The following PIEZO1 variants were observed in gnomAD, a reference collection of about 807,000 sequenced individuals.
PIEZO1 encodes piezo type mechanosensitive ion channel component 1 (Er blood group).
A neutral mutation model predicts 297.2 loss-of-function variants in PIEZO1; 296 were observed. That is an observed-to-expected ratio of 1.00 (90% CI 0.91 to 1.10). PIEZO1 has a LOEUF of 1.10. Ranked by LOEUF, PIEZO1 falls within the 50% of genes least tolerant of loss-of-function variation. The pLI, the probability that PIEZO1 is intolerant of heterozygous loss-of-function variation, is 0.00. For missense variants in PIEZO1, 5,018 were observed against 3,455.5 expected, an observed-to-expected ratio of 1.45 and a Z score of -11.34; for synonymous variants, 2,427 against 1,507.5, an observed-to-expected ratio of 1.61 and a Z score of -14.13.
intron 2 of PIEZO1, among the ~76,000 whole-genome samples, chr16:88,749,016 T>C (rs977854519): frequency 1.4e-5 from 2 of 144,448 alleles, no homozygotes; most frequent in Non-Finnish European, 3.0e-5. Context: ...GGCGGGCGGA[T>C]CACAAGGTCA....
chr16:88,727,009 G>T (rs531279975), intron 24 of PIEZO1, 30 bp downstream of exon 24: 7 of 1,548,576 alleles, frequency 4.5e-6, no homozygotes, highest in Admixed American at 3.9e-5. Context: ...CTCCCAGAAG[G>T]TTCCCCGTGG....
intron 22 of PIEZO1, chr16:88,731,491 A>G (rs1330924631): frequency 8.7e-6 from 5 of 572,952 alleles, no homozygotes; most frequent in South Asian, 2.2e-5. Context: ...AAAAAGGAAA[A>G]GAGAACAGCA....
At position 88,715,376 on chromosome 16, in the gene PIEZO1, T is replaced by TAAA; in HGVS notation, c.*226_*228dup. On this transcript the variant is annotated 3_prime_UTR_variant, in exon 51 of 51. Transcript: ENST00000301015. ...TTGTATAAATAAAACATTTTTTAATTAAAAAAAAAACTCTACAGTACACGT... is the reference window on the plus strand; with the variant it reads ...TTGTATAAATAAAACATTTTTTAATTAAAAAAAAAAAAACTCTACAGTACACGT... The TAAA allele has an allele frequency of 9.2e-7, 1 of 1,087,758 alleles. No homozygotes were observed. Among genetic ancestry groups the TAAA allele is most frequent in the Non-Finnish European group, 1.3e-6 (1 of 789,740 alleles). The allele number at this position is 1,087,758 out of a possible 1,614,324, so 67.4% of individuals were successfully genotyped here. A position where few individuals can be genotyped will look rare whatever the true frequency, so the allele number is the denominator to read the frequency against.
At position 88,740,105 on chromosome 16, in the gene PIEZO1, CCCT is replaced by C. The variant is rs199708601; in HGVS notation, c.465+1370_466-1370del. The C allele has an allele frequency of 9.0e-3, 1,366 of 152,392 alleles. 5 individuals are homozygous for C. Among genetic ancestry groups the C allele is most frequent in the Middle Eastern group, 0.024 (7 of 294 alleles). The allele number at this position is 152,392 out of a possible 1,614,324, so 9.4% of individuals were successfully genotyped here. A position where few individuals can be genotyped will look rare whatever the true frequency, so the allele number is the denominator to read the frequency against. On this transcript the variant is annotated intron_variant, in intron 5 of 50. Transcript: ENST00000301015. ...GCAGCCATGCTGCAGACGCCCCTCA[CCCT>C]CCTCTAGCGGCCAGCACCCCTCGGG...
intron 44 of PIEZO1, chr16:88,718,203 C>T (rs914072018): frequency 6.3e-6 from 1 of 159,690 alleles, no homozygotes; most frequent in Non-Finnish European, 1.4e-5. Flanking sequence ...CAGCAAGCCA[C>T]CCGTTCAGCA....
At chr16:88,784,761 C>T in intron 1 of PIEZO1, 140 bp downstream of exon 1, 1 of 542,246 alleles carries the variant, frequency 1.8e-6, no homozygotes, top group Non-Finnish European at 2.8e-6. Flanking sequence ...AATGCGGGCG[C>T]CCGGGTCGCG....
chr16:88,747,985 C>A (rs1296893632), intron 2 of PIEZO1, among the ~76,000 whole-genome samples: 1 of 152,208 alleles, frequency 6.6e-6, no homozygotes, highest in Non-Finnish European at 1.5e-5. Context: ...CCGGTGGACA[C>A]CTCGTAGCCA....
chr16:88,721,379 TGTC>T lies in PIEZO1; in HGVS notation c.5452_5454del (p.Asp1818del). ...GCTCCCTGCTCCTCCTCGCCGCTCT[TGTC>T]ATGCTCCTTGGATGGTGAGTCCTCC... On this transcript the variant is annotated inframe_deletion, in exon 39 of 51. Transcript: ENST00000301015. 3 of 1,549,718 alleles carry T rather than the reference TGTC, an allele frequency of 1.9e-6. No homozygotes were observed. The South Asian group carries it at 3.6e-5, about 18-fold the overall frequency.
rs755399757 is a variant in PIEZO1 at position 88,719,899 on chromosome 16, G to A, written c.6226C>T (p.Leu2076=). Residue 2076 remains leucine (L), a synonymous_variant, in exon 43 of 51, where the codon CTG becomes TTG. Transcript: ENST00000301015. The stretch of plus-strand genomic sequence containing the variant: ...CCGCAGCGGATCTGGTAGGCGGACA[G>A]GGCGAAGTAGATGCACTTCACGAAG... ...WYFVKCIYFA[L]SAYQIRCGYP... is the part of the protein sequence containing the mutation. 3.9e-5 allele frequency: 61 copies of A among 1,550,440 alleles called. 1 individual carries two copies. In the Middle Eastern group the frequency reaches 1.0e-3, roughly 25 times the overall value.
At chr16:88,748,494 C>CGA (rs1275150030) in intron 2 of PIEZO1, among the ~76,000 whole-genome samples, 43 of 123,218 alleles carry the variant, frequency 3.5e-4, no homozygotes, top group African/African-American at 1.1e-3. Flanking sequence ...CAGCTCCCCC[C>CGA]CCCCCCCGCA....
intron 1 of PIEZO1, among the ~76,000 whole-genome samples, chr16:88,783,336 A>T (rs1379650638): frequency 6.6e-6 from 1 of 152,250 alleles, no homozygotes; most frequent in Non-Finnish European, 1.5e-5. Flanking sequence ...TGGCTGGAAA[A>T]ATACCAGAAG....
At position 88,731,703 on chromosome 16, in the gene PIEZO1, C is replaced by T. The variant is rs1175679790; in HGVS notation, c.3196+3G>A. The stretch of plus-strand genomic sequence containing the variant: ...ACTCCCACCCAAGCCACGTGCCCCT[C>T]ACCAATGCACAGGGCCGGGGGCATC... On this transcript the variant is annotated splice_donor_region_variant and intron_variant, in intron 22 of 50. Coordinates refer to ENST00000301015, the MANE Select transcript of PIEZO1 (RefSeq NM_001142864.4). 7.1e-6 allele frequency: 11 copies of T among 1,548,700 alleles called. No individual in the cohort carries two copies. Among genetic ancestry groups the T allele is most frequent in the Non-Finnish European group, 9.6e-6 (11 of 1,146,176 alleles).
rs117477957 is a variant in PIEZO1 at position 88,775,256 on chromosome 16, G to A, written c.64+9645C>T. Reference sequence around the variant, plus strand: ...AGCAGGAGGCAGAGGCGCCCACACAGGACACAGAGGATGCCGGGGCAGACC... The same window carrying A: ...AGCAGGAGGCAGAGGCGCCCACACAAGACACAGAGGATGCCGGGGCAGACC... On this transcript the variant is annotated intron_variant, in intron 1 of 50. Transcript: ENST00000301015. Among the ~76,000 whole-genome samples the A allele has an allele frequency of 2.6e-5, 4 of 152,326 alleles. No homozygotes were observed. The East Asian group carries it at 7.7e-4, about 29-fold the overall frequency.
Position 88,732,697 on chromosome 16 carries a change from C to T in PIEZO1, c.2700G>A (p.Glu900=). The stretch of plus-strand genomic sequence containing the variant: ...CCCGGTACAGCAGGGACTGGCTGAT[C>T]TCCGTGGGCAGCAAGTTGGTGCTGT... ...FPNSTNLLPT[E]ISQSLLYRGP... The change falls in exon 20 of 51, where the codon GAG becomes GAA. Residue 900 remains glutamate (E), a synonymous_variant. Transcript: ENST00000301015. 6.5e-7 allele frequency: 1 copy of T among 1,549,172 alleles called. No homozygotes were observed. The highest frequency in any genetic ancestry group is 8.7e-7 in the Non-Finnish European group (1 of 1,146,238).
Position 88,732,451 on chromosome 16 carries a change from C to G in PIEZO1, c.2875G>C (p.Ala959Pro), listed in dbSNP as rs770222800. Residue 959 changes from alanine to proline, a missense_variant, in exon 21 of 51, where the codon GCC becomes CCC. Coordinates refer to ENST00000301015, the MANE Select transcript of PIEZO1 (RefSeq NM_001142864.4). ...AACACGGCCTGGGCAGGCAGCGGGG[C>G]CAGCTGGTGCTGCCGGCGGTAGTGC... ...QEHYRRQHQL[A>P]PLPAQAVFAS... The G allele has an allele frequency of 3.9e-6, 6 of 1,549,414 alleles. No individual in the cohort carries two copies. In the Admixed American group the frequency reaches 1.2e-4, roughly 30 times the overall value.
At chr16:88,779,413 T>C (rs528723770) in intron 1 of PIEZO1, among the ~76,000 whole-genome samples, 16 of 152,346 alleles carry the variant, frequency 1.1e-4, no homozygotes, top group African/African-American at 3.6e-4. Flanking sequence ...TCCCCGCCTG[T>C]GCTCAGCATC....
chr16:88,774,298 T>G (rs1416619865), intron 1 of PIEZO1, among the ~76,000 whole-genome samples: 4 of 152,146 alleles, frequency 2.6e-5, no homozygotes, highest in Non-Finnish European at 4.4e-5. Flanking sequence ...GGCTGAGGCA[T>G]GAGAATCGCT....
At chr16:88,775,231 A>C (rs2142904582) in intron 1 of PIEZO1, among the ~76,000 whole-genome samples, 1 of 152,310 alleles carries the variant, frequency 6.6e-6, no homozygotes, top group East Asian at 1.9e-4. Flanking sequence ...CACAGGCTGG[A>C]GCAGGAGGCA....
rs1157526679 is a variant in PIEZO1, at chr16:88,715,616, C to T, written c.7555G>A (p.Glu2519Lys). ...GCCAGCAGCAGCTCCTACTCCTTCT[C>T]ACGAGTCCACTTGATCATGGTCTCC... is the stretch of plus-strand genomic sequence containing the variant. ...SPETMIKWTR[E>K]KE Residue 2519 changes from glutamate (E) to lysine (K), a missense_variant, in exon 51 of 51, where the codon GAG becomes AAG. Coordinates refer to ENST00000301015, the MANE Select transcript of PIEZO1 (RefSeq NM_001142864.4). 2 of 1,549,970 alleles carry T rather than the reference C, an allele frequency of 1.3e-6. No homozygotes were observed. Among genetic ancestry groups the T allele is most frequent in the South Asian group, 1.2e-5 (1 of 84,052 alleles).
Sources: allele counts gnomAD v4.1 joint callset (sites outside exome capture counted in the v4.1 genomes callset), GRCh38; gene constraint gnomAD v4.1.1; transcripts MANE v1.5; gene names NCBI Gene and HGNC (gene_info 2026-07-23, HGNC 2026-07-21).